Variants in CAST observed in about 807,000 individuals in gnomAD.
The protein encoded by CAST is calpastatin, also known as MIR583 host.
In CAST, 76 loss-of-function variants were observed where a neutral mutation model predicts 119.6. The ratio of observed to expected loss-of-function variants is 0.64; its 90% CI spans 0.53 to 0.77. The LOEUF (loss-of-function observed/expected upper bound fraction) is 0.77, where lower values mean the gene tolerates loss of function less well. CAST is among the 30% of genes least tolerant of loss of function. The pLI is 0.00. For missense variants in CAST, 953 were observed against 946.5 expected (o/e 1.01, Z -0.09); for synonymous variants, 319 against 331.6 (o/e 0.96, Z 0.41).
At chr5:95,967,886 G>A in the CAST span, among the ~76,000 whole-genome samples, 1 of 152,102 alleles carries the variant, frequency 6.6e-6, no homozygotes, top group African/African-American at 2.4e-5. Flanking sequence ...AAGCAATTTA[G>A]TTACACTATC....
At chr5:96,211,158 C>T in the CAST span, among the ~76,000 whole-genome samples, 48 of 151,740 alleles carry the variant, frequency 3.2e-4, no homozygotes, top group African/African-American at 1.1e-3. Flanking sequence ...TTTTTATTTC[C>T]TTTTCTTGAT....
intron 1 of CAST, among the ~76,000 whole-genome samples, chr5:96,618,827 C>T (rs1015616098): frequency 1.3e-5 from 2 of 152,246 alleles, no homozygotes; most frequent in African/African-American, 4.8e-5. Context: ...CCTGAGCCTC[C>T]CCGACAGGCG....
At chr5:96,075,799 G>A in the CAST span, among the ~76,000 whole-genome samples, 8 of 152,106 alleles carry the variant, frequency 5.3e-5, no homozygotes, top group African/African-American at 1.9e-4. Flanking sequence ...TATTTCATGG[G>A]TTAAATGATC....
In CAST at chr5:96,597,985, A is replaced by C. The variant is rs138575471; in HGVS notation, c.60+68105A>C. On this transcript the variant is annotated intron_variant, in intron 1 of 11. Coordinates refer to the CAST transcript ENST00000505143. ...CAGTACTAGGGGGCTGGCAGTAGTG[A>C]AGTCTGCAAGGCTCTATCTCTACCT... is the stretch of plus-strand genomic sequence containing the variant. Among the ~76,000 whole-genome samples the C allele has an allele frequency of 2.2e-3, 335 of 152,172 alleles. 4 individuals carry two copies. Among genetic ancestry groups the C allele is most frequent in the South Asian group, 0.015 (72 of 4,814 alleles).
chr5:96,411,895 C>T, the CAST span, among the ~76,000 whole-genome samples: 48 of 152,298 alleles, frequency 3.2e-4, 1 homozygote, highest in Middle Eastern at 3.4e-3. Context: ...CTGCTACCTC[C>T]GCCTTCTGGG....
At chr5:96,729,800 G>A in intron 8 of CAST, 75 bp downstream of exon 8, 1 of 741,026 alleles carries the variant, frequency 1.3e-6, no homozygotes, top group Non-Finnish European at 2.5e-6. Context: ...TTCACACTGA[G>A]GTGTGTAGTT....
chr5:96,179,492 T>A, the CAST span, among the ~76,000 whole-genome samples: 2 of 152,182 alleles, frequency 1.3e-5, no homozygotes, highest in Admixed American at 6.5e-5. Context: ...TGCTAATACA[T>A]CATGTATCTT....
At chr5:96,550,868 A>G (rs1267747258) in intron 1 of CAST, among the ~76,000 whole-genome samples, 1 of 152,358 alleles carries the variant, frequency 6.6e-6, no homozygotes, top group South Asian at 2.1e-4. Context: ...GATTAGAGAT[A>G]AAAGAGTGAA....
the CAST span, among the ~76,000 whole-genome samples, chr5:96,234,122 T>C: frequency 6.6e-6 from 1 of 152,136 alleles, no homozygotes; most frequent in Admixed American, 6.6e-5. Context: ...AAATGTAAAT[T>C]TTCCTCTCAA....
chr5:96,028,115 T>C, the CAST span, among the ~76,000 whole-genome samples: 1 of 152,118 alleles, frequency 6.6e-6, no homozygotes, highest in African/African-American at 2.4e-5. Flanking sequence ...TAGGAGATTT[T>C]ACAAACTCCT....
chr5:96,169,569 C>T, the CAST span, among the ~76,000 whole-genome samples: 11 of 152,126 alleles, frequency 7.2e-5, no homozygotes, highest in African/African-American at 2.2e-4. Flanking sequence ...TTTAGAAGCC[C>T]ATGCTGTAGC....
the CAST span, among the ~76,000 whole-genome samples, chr5:96,220,345 C>T: frequency 3.9e-5 from 6 of 152,082 alleles, no homozygotes; most frequent in South Asian, 1.0e-3. Context: ...GTAAAAGACA[C>T]CCTCAAGTAC....
chr5:96,303,796 T>C, the CAST span, among the ~76,000 whole-genome samples: 3 of 152,264 alleles, frequency 2.0e-5, no homozygotes, highest in East Asian at 3.8e-4. Context: ...TTTTTATGGC[T>C]GCATAGTATG....
At chr5:96,599,224 T>C (rs10044628) in intron 1 of CAST, among the ~76,000 whole-genome samples, 64,020 of 151,604 alleles carry the variant, frequency 0.42, 13,763 homozygotes, top group Admixed American at 0.48. Context: ...ACAATTTGAC[T>C]AAGGCCTATC....
chr5:96,066,688 C>T, the CAST span, among the ~76,000 whole-genome samples: 7 of 151,962 alleles, frequency 4.6e-5, no homozygotes, highest in African/African-American at 1.7e-4. Context: ...GAGACAAGAT[C>T]TAACTCTATT....
chr5:96,055,165 C>G, the CAST span, among the ~76,000 whole-genome samples: 1 of 151,992 alleles, frequency 6.6e-6, no homozygotes, highest in Non-Finnish European at 1.5e-5. Context: ...TCTCCTTTAC[C>G]AGGTCCTCCC....
At chr5:96,366,741 C>G in the CAST span, among the ~76,000 whole-genome samples, 1 of 152,072 alleles carries the variant, frequency 6.6e-6, no homozygotes, top group South Asian at 2.1e-4. Flanking sequence ...AATCTTTTTT[C>G]AAGGTTTTTA....
chr5:96,743,399 G>A (rs1025533876), intron 16 of CAST: 3 of 434,706 alleles, frequency 6.9e-6, no homozygotes, highest in Non-Finnish European at 1.2e-5. Context: ...GGAAGGAAAG[G>A]AGAGAGTTGC....
the CAST span, among the ~76,000 whole-genome samples, chr5:96,464,258 A>C: frequency 1.3e-5 from 2 of 152,182 alleles, no homozygotes; most frequent in East Asian, 3.9e-4. Context: ...CTTCCTTTTG[A>C]AATAGATATT....
Sources: allele counts gnomAD v4.1 joint callset (sites outside exome capture counted in the v4.1 genomes callset), GRCh38; gene constraint gnomAD v4.1.1; transcripts MANE v1.5; gene names NCBI Gene and HGNC (gene_info 2026-07-23, HGNC 2026-07-21).